RBL1: variants seen among roughly 807,000 people sequenced by gnomAD.
The protein encoded by RBL1 is retinoblastoma-like protein 1.
In RBL1, 82 loss-of-function variants were observed where a neutral mutation model predicts 123.0. The observed-to-expected ratio is 0.67, with a 90% CI of 0.56 to 0.80. RBL1 has a LOEUF of 0.80. Ranked by LOEUF, RBL1 falls within the 30% of genes least tolerant of loss-of-function variation. RBL1 has a pLI of 0.00. For synonymous variants in RBL1, 405 were observed against 441.3 expected (o/e 0.92, Z 1.03); for missense variants, 1,171 against 1,299.6 (o/e 0.90, Z 1.52).
chr20:37,034,764 TAAAA>T (rs965035367), intron 15 of RBL1, among the ~76,000 whole-genome samples: 2 of 145,992 alleles, frequency 1.4e-5, no homozygotes, highest in Non-Finnish European at 3.0e-5. Flanking sequence ...AATTTAAAAA[TAAAA>T]AAAAAACCAC....
chr20:36,997,521 AGAT>A lies in RBL1; in HGVS notation c.*1235_*1237del, dbSNP rs1281542008. On this transcript the variant is annotated 3_prime_UTR_variant, in exon 22 of 22. Transcript: ENST00000373664. ...AAATATATTAGAATTATGAGGCATG[AGAT>A]GATATTTATGTGATTTTTAAAAGGT... 1 of 152,182 alleles carries A rather than the reference AGAT, an allele frequency of 6.6e-6. No individual in the cohort carries two copies. Among genetic ancestry groups the A allele is most frequent in the African/African-American group, 2.4e-5 (1 of 41,458 alleles). 9.4% of individuals were successfully genotyped at this position (152,182 alleles called of 1,614,324 possible).
intron 14 of RBL1, among the ~76,000 whole-genome samples, chr20:37,036,736 C>A (rs978511844): frequency 1.3e-5 from 2 of 151,226 alleles, no homozygotes; most frequent in Admixed American, 6.6e-5. Context: ...CGCCATTCTC[C>A]TGCCTCAGCC....
intron 1 of RBL1, among the ~76,000 whole-genome samples, chr20:37,094,887 C>T (rs912838705): frequency 1.3e-5 from 2 of 152,334 alleles, no homozygotes; most frequent in African/African-American, 2.4e-5. Context: ...ATCCGCCCGC[C>T]TTGGCCTCCC....
At chr20:37,016,074 C>G (rs1349187110) in intron 19 of RBL1, among the ~76,000 whole-genome samples, 2 of 140,212 alleles carry the variant, frequency 1.4e-5, no homozygotes, top group East Asian at 2.1e-4. Flanking sequence ...GTCACCCAGG[C>G]TGGAGTGCAG....
At chr20:37,031,275 A>G (rs907565907) in intron 16 of RBL1, among the ~76,000 whole-genome samples, 4 of 152,156 alleles carry the variant, frequency 2.6e-5, no homozygotes, top group African/African-American at 9.6e-5. Flanking sequence ...ATGGGAGAAA[A>G]TACTTGTAAA....
chr20:37,076,380 G>GTC (rs781028550), intron 2 of RBL1, among the ~76,000 whole-genome samples: 36 of 152,230 alleles, frequency 2.4e-4, no homozygotes, highest in African/African-American at 8.7e-4. Flanking sequence ...TGTGAATGTG[G>GTC]TCTCTCTCTC....
At position 37,089,098 on chromosome 20, in the gene RBL1, A is replaced by G. The variant is rs2065604605; in HGVS notation, c.181T>C (p.Cys61Arg). The G allele has an allele frequency of 1.9e-6, 3 of 1,609,768 alleles. No individual in the cohort carries two copies. Among genetic ancestry groups the G allele is most frequent in the Non-Finnish European group, 1.7e-6 (2 of 1,177,750 alleles). The part of the protein sequence containing the change: ...LEGEVTHWLA[C>R]SLYVACRKSI... ...TTGCGGCATGCAACATATAATGAAC[A>G]TGCCAACCAGTGTGTAACTTCTCCC... Residue 61 changes from cysteine to arginine, a missense_variant, in exon 2 of 22, where the codon TGT (cysteine) becomes CGT (arginine). Coordinates refer to ENST00000373664, the MANE Select transcript of RBL1 (RefSeq NM_002895.5).
At chr20:37,083,990 C>G (rs1027503144) in intron 2 of RBL1, among the ~76,000 whole-genome samples, 1 of 149,562 alleles carries the variant, frequency 6.7e-6, no homozygotes, top group Non-Finnish European at 1.5e-5. Context: ...CTCACTGCAG[C>G]CTCCACCTCC....
chr20:37,037,344 C>G (rs558627585), intron 14 of RBL1, among the ~76,000 whole-genome samples: 1 of 152,198 alleles, frequency 6.6e-6, no homozygotes, highest in South Asian at 2.1e-4. Context: ...AAATGTAAAG[C>G]GGATCCAAAT....
intron 20 of RBL1, among the ~76,000 whole-genome samples, chr20:37,005,877 CTTTTTTTTTTTTCTTTCTT>C (rs2064061833): frequency 9.4e-6 from 1 of 106,340 alleles, no homozygotes; most frequent in South Asian, 2.9e-4. Context: ...GCCTTCTTTT[CTTTTTTTTTTTTCTTTCTT>C]TTTTTTTTTT....
At chr20:37,064,699 T>G (rs1222902402) in intron 7 of RBL1, among the ~76,000 whole-genome samples, 1 of 152,144 alleles carries the variant, frequency 6.6e-6, no homozygotes, top group Non-Finnish European at 1.5e-5. Context: ...AGCCTCTGCC[T>G]CCTGGGTTCA....
intron 1 of RBL1, 75 bp from the exon 2 acceptor site, chr20:37,089,197 G>A (rs1332725780): frequency 9.9e-5 from 136 of 1,372,968 alleles, no homozygotes; most frequent in Non-Finnish European, 1.3e-4. Context: ...AACAAGAGAT[G>A]TAGAATTATC....
At chr20:37,023,607 G>A (rs1215165480) in intron 16 of RBL1, among the ~76,000 whole-genome samples, 4 of 151,732 alleles carry the variant, frequency 2.6e-5, no homozygotes, top group Admixed American at 1.3e-4. Flanking sequence ...CAATGGGAAC[G>A]AAACAGGAAT....
At chr20:37,027,025 A>AC (rs1244892335) in intron 16 of RBL1, among the ~76,000 whole-genome samples, 1 of 150,478 alleles carries the variant, frequency 6.6e-6, no homozygotes, top group Non-Finnish European at 1.5e-5. Flanking sequence ...AAAAAAAACA[A>AC]CAAAAAAAAA....
At chr20:37,049,520 A>G (rs1347576558) in intron 11 of RBL1, 4 of 755,812 alleles carry the variant, frequency 5.3e-6, no homozygotes, top group East Asian at 2.4e-5. Context: ...AGTAAGCACA[A>G]GAGAAAGAAG....
chr20:37,071,968 T>C (rs879323462), intron 2 of RBL1, among the ~76,000 whole-genome samples: 1 of 152,130 alleles, frequency 6.6e-6, no homozygotes. Flanking sequence ...ATCTCTTTTT[T>C]TAAATAAGTC....
At chr20:37,087,607 T>G (rs1308736361) in intron 2 of RBL1, among the ~76,000 whole-genome samples, 2 of 151,962 alleles carry the variant, frequency 1.3e-5, no homozygotes, top group African/African-American at 4.8e-5. Context: ...TTTTTTTAAT[T>G]AAAGAAAGGG....
chr20:37,009,018 C>T (rs1056677281), intron 19 of RBL1, among the ~76,000 whole-genome samples: 1 of 152,028 alleles, frequency 6.6e-6, no homozygotes, highest in African/African-American at 2.4e-5. Flanking sequence ...AGTCTCTCTT[C>T]CCCCAAAACA....
At chr20:37,028,861 A>C (rs2064462907) in intron 16 of RBL1, among the ~76,000 whole-genome samples, 1 of 152,198 alleles carries the variant, frequency 6.6e-6, no homozygotes, top group East Asian at 1.9e-4. Context: ...TAAGTGGCTA[A>C]AGGTACATTA....
Sources: allele counts gnomAD v4.1 joint callset (sites outside exome capture counted in the v4.1 genomes callset), GRCh38; gene constraint gnomAD v4.1.1; transcripts MANE v1.5; gene names NCBI Gene and HGNC (gene_info 2026-07-23, HGNC 2026-07-21).